TENM3: variants seen among roughly 807,000 people sequenced by gnomAD.
TENM3 encodes teneurin-3.
TENM3 carries 63 observed loss-of-function variants against 255.1 expected under a neutral mutation model. The ratio of observed to expected loss-of-function variants is 0.25; its 90% CI spans 0.20 to 0.30. The LOEUF (loss-of-function observed/expected upper bound fraction) is 0.30, where lower values mean the gene tolerates loss of function less well. Ranked by LOEUF, TENM3 falls within the 10% of genes least tolerant of loss-of-function variation. The pLI is 1.00. For synonymous variants in TENM3, 1,306 were observed against 1,322.3 expected (o/e 0.99, Z 0.27); for missense variants, 2,929 against 3,461.1 (o/e 0.85, Z 3.86).
At chr4:182,631,758 C>T (rs535324695) in intron 5 of TENM3, 26 of 152,176 alleles carry the variant, frequency 1.7e-4, no homozygotes, top group African/African-American at 5.1e-4. Context: ...CTTATATTGA[C>T]CGTTAATATA....
Position 182,793,784 on chromosome 4 carries a change from T to C in TENM3, c.7112T>C (p.Ile2371Thr). 2 of 1,613,900 alleles carry C rather than the reference T, an allele frequency of 1.2e-6. No individual in the cohort carries two copies. The highest frequency in any genetic ancestry group is 1.7e-6 in the Non-Finnish European group (2 of 1,179,844). The part of the protein sequence containing the change: ...AGRWTTPDIE[I>T]WKRIGKDPAP... ...CGGTGGACAACACCTGACATAGAAATCTGGAAAAGAATTGGGAAGGACCCA... is the reference window on the plus strand; with the variant it reads ...CGGTGGACAACACCTGACATAGAAACCTGGAAAAGAATTGGGAAGGACCCA... The change falls in exon 26 of 28, where the codon ATC becomes ACC. Residue 2371 changes from isoleucine to threonine, a missense_variant. Physicochemically the swap from Ile to Thr is moderately conservative, Grantham distance 89. Transcript: ENST00000511685. The surrounding 1 kb of genome is among the most constrained non-coding windows in gnomAD (Gnocchi z 5.7).
chr4:181,588,295 A>G, the TENM3 span, among the ~76,000 whole-genome samples: 79 of 152,320 alleles, frequency 5.2e-4, no homozygotes, highest in East Asian at 5.4e-3. Context: ...TTTAAGCTGT[A>G]TTTCCTAACA....
At chr4:182,280,492 C>T (rs921608421) in intron 1 of TENM3, among the ~76,000 whole-genome samples, 1 of 152,140 alleles carries the variant, frequency 6.6e-6, no homozygotes, top group African/African-American at 2.4e-5. Flanking sequence ...GAATTCTTTT[C>T]AACCAAAATT....
chr4:182,137,012 T>A, the TENM3 span, among the ~76,000 whole-genome samples: 103 of 152,038 alleles, frequency 6.8e-4, no homozygotes, highest in East Asian at 0.013. Flanking sequence ...TTAAACTTCA[T>A]CCAATTGTCC....
At chr4:181,772,998 C>G in the TENM3 span, among the ~76,000 whole-genome samples, 22 of 152,240 alleles carry the variant, frequency 1.4e-4, no homozygotes, top group East Asian at 4.1e-3. Context: ...GGGCACCCCC[C>G]CAAAAAATAT....
At chr4:182,788,315 T>C (rs1360832984) in intron 24 of TENM3, among the ~76,000 whole-genome samples, 1 of 152,156 alleles carries the variant, frequency 6.6e-6, no homozygotes, top group Non-Finnish European at 1.5e-5. Flanking sequence ...GGGACCACAT[T>C]TCTATTGCAA....
Position 182,792,151 on chromosome 4 carries a change from T to TAA in TENM3, c.5602-122_5602-121dup. ...CGTTAACAACACGCAAGGTCAAGGA[T>TAA]AACTCAATTAAAATGAAAATCATTT... On this transcript the variant is annotated intron_variant, in intron 25 of 27. Coordinates refer to ENST00000511685, the MANE Select transcript of TENM3 (RefSeq NM_001080477.4). The surrounding 1 kb of genome is among the most constrained non-coding windows in gnomAD (Gnocchi z 6.3). 1.0e-6 allele frequency: 1 copy of TAA among 956,760 alleles called. No homozygotes were observed. The highest frequency in any genetic ancestry group is 1.6e-6 in the Non-Finnish European group (1 of 633,602). The allele number at this position is 956,760 out of a possible 1,614,324, so 59.3% of individuals were successfully genotyped here.
At chr4:182,695,976 G>A (rs563267819) in intron 12 of TENM3, among the ~76,000 whole-genome samples, 1 of 152,264 alleles carries the variant, frequency 6.6e-6, no homozygotes, top group South Asian at 2.1e-4. Flanking sequence ...AATCACATGT[G>A]TTACTCATCC....
the TENM3 span, among the ~76,000 whole-genome samples, chr4:181,570,092 G>A: frequency 1.5e-4 from 21 of 136,830 alleles, 1 homozygote; most frequent in Admixed American, 1.7e-3. Flanking sequence ...AGGTCGGACT[G>A]CGGACTGCAG....
chr4:182,274,654 C>T (rs1250289117), intron 1 of TENM3, among the ~76,000 whole-genome samples: 5 of 152,178 alleles, frequency 3.3e-5, no homozygotes, highest in East Asian at 1.9e-4. Flanking sequence ...AGTGCAGATA[C>T]GTAGAAAGTC....
At chr4:181,728,137 G>T in the TENM3 span, among the ~76,000 whole-genome samples, 2 of 152,138 alleles carry the variant, frequency 1.3e-5, no homozygotes, top group Admixed American at 1.3e-4. Context: ...AAAGATGGTG[G>T]TGTTCAATTT....
At chr4:181,885,385 C>A in the TENM3 span, among the ~76,000 whole-genome samples, 1 of 152,148 alleles carries the variant, frequency 6.6e-6, no homozygotes, top group Admixed American at 6.5e-5. Flanking sequence ...GCCTCAGCCT[C>A]CCGAGTAGCT....
At chr4:182,352,039 G>A (rs2150709632) in intron 3 of TENM3, among the ~76,000 whole-genome samples, 2 of 152,140 alleles carry the variant, frequency 1.3e-5, no homozygotes, top group South Asian at 2.1e-4. Flanking sequence ...AATATCAAGT[G>A]CCTACCTAGT....
At chr4:181,954,905 A>T in the TENM3 span, among the ~76,000 whole-genome samples, 2 of 152,212 alleles carry the variant, frequency 1.3e-5, no homozygotes, top group Non-Finnish European at 2.9e-5. Flanking sequence ...AAGGCATGAG[A>T]TACATTCGTT....
intron 2 of TENM3, among the ~76,000 whole-genome samples, chr4:182,335,680 T>G (rs1764090834): frequency 6.6e-6 from 1 of 151,840 alleles, no homozygotes; most frequent in Admixed American, 6.6e-5. Flanking sequence ...GAAGAAAAGA[T>G]AGACTTAAAT....
At chr4:182,170,778 A>G (rs370168991) in intron 1 of TENM3, among the ~76,000 whole-genome samples, 87 of 152,358 alleles carry the variant, frequency 5.7e-4, no homozygotes, top group African/African-American at 2.0e-3. Flanking sequence ...CACATTAGCT[A>G]ATTTCATTAG....
chr4:182,591,144 C>A (rs1581036768), intron 3 of TENM3, among the ~76,000 whole-genome samples: 1 of 151,818 alleles, frequency 6.6e-6, no homozygotes, highest in African/African-American at 2.4e-5. Context: ...GTATATTTAA[C>A]CCAACAATTC....
the TENM3 span, among the ~76,000 whole-genome samples, chr4:181,459,639 A>G: frequency 6.6e-6 from 1 of 151,920 alleles, no homozygotes; most frequent in African/African-American, 2.4e-5. Context: ...AATTGACCAC[A>G]TAAGATGGGT....
At chr4:181,849,307 T>C in the TENM3 span, among the ~76,000 whole-genome samples, 1 of 152,226 alleles carries the variant, frequency 6.6e-6, no homozygotes, top group East Asian at 1.9e-4. Flanking sequence ...GATGTGAGAG[T>C]TTACAGGCAT....
Sources: allele counts gnomAD v4.1 joint callset (sites outside exome capture counted in the v4.1 genomes callset), GRCh38; gene constraint gnomAD v4.1.1; non-coding constraint Gnocchi (gnomAD v3.1); transcripts MANE v1.5; gene names NCBI Gene and HGNC (gene_info 2026-07-23, HGNC 2026-07-21).